The following PLEKHA2 variants were observed in gnomAD, a reference collection of about 807,000 sequenced individuals.
The protein encoded by PLEKHA2 is pleckstrin homology domain-containing family A member 2.
PLEKHA2 carries 28 observed loss-of-function variants against 53.2 expected under a neutral mutation model. The observed-to-expected ratio is 0.53, with a 90% CI of 0.39 to 0.72. The LOEUF is 0.72. PLEKHA2 is among the 30% of genes least tolerant of loss of function. The pLI is 0.00. For synonymous variants in PLEKHA2, 193 were observed against 196.4 expected, an observed-to-expected ratio of 0.98 and a Z score of 0.14; for missense variants, 426 against 537.9, an observed-to-expected ratio of 0.79 and a Z score of 2.06.
intron 3 of PLEKHA2, among the ~76,000 whole-genome samples, chr8:38,937,608 G>A (rs565733375): frequency 2.6e-4 from 39 of 152,090 alleles, no homozygotes; most frequent in Non-Finnish European, 4.4e-4. Context: ...TGGAGGCTGC[G>A]TCATTTAGAA....
Position 38,907,944 on chromosome 8 carries a change from C to A in PLEKHA2, c.-24+6499C>A, listed in dbSNP as rs544390705. On this transcript the variant is annotated intron_variant, in intron 1 of 11. Coordinates refer to ENST00000617275, the MANE Select transcript of PLEKHA2 (RefSeq NM_021623.2). ...ACATTGGCTCAACTGCAACCTCCAC[C>A]TCCTGGGCTCAAGAGATTCTCCTGC... Among the ~76,000 whole-genome samples, 126 of 152,038 alleles carry A rather than the reference C, an allele frequency of 8.3e-4. 1 individual carries two copies. Among genetic ancestry groups the A allele is most frequent in the African/African-American group, 2.9e-3 (120 of 41,464 alleles).
intron 1 of PLEKHA2, among the ~76,000 whole-genome samples, chr8:38,912,844 C>T (rs1030559000): frequency 9.2e-5 from 14 of 152,120 alleles, no homozygotes; most frequent in Admixed American, 9.2e-4. Context: ...CCAGTCCTTC[C>T]CCCCACCTCC....
chr8:38,906,497 C>T (rs987209971), intron 1 of PLEKHA2, among the ~76,000 whole-genome samples: 1 of 152,142 alleles, frequency 6.6e-6, no homozygotes, highest in Non-Finnish European at 1.5e-5. Flanking sequence ...ATTGGGCTAT[C>T]TCAGGGTCAA....
At chr8:38,916,413 C>CCCCACTACCCTTCCCAGCCT (rs1834064144) in intron 1 of PLEKHA2, among the ~76,000 whole-genome samples, 1 of 152,172 alleles carries the variant, frequency 6.6e-6, no homozygotes, top group Non-Finnish European at 1.5e-5. Flanking sequence ...CCCCCCAGCC[C>CCCCACTACCCTTCCCAGCCT]CCCACTACCC....
chr8:38,962,537 GC>G, intron 10 of PLEKHA2, among the ~76,000 whole-genome samples: 1 of 152,260 alleles, frequency 6.6e-6, no homozygotes, highest in South Asian at 2.1e-4. Context: ...AGGTAGAAAG[GC>G]CAGTGATTTC....
At chr8:38,918,217 GACAC>G (rs957954661) in intron 2 of PLEKHA2, 147 bp downstream of exon 2, 8 of 1,068,096 alleles carry the variant, frequency 7.5e-6, no homozygotes, top group East Asian at 2.6e-5. Context: ...AACACACACA[GACAC>G]ACACACAAAT....
At chr8:38,917,807 T>C (rs1834087252) in intron 1 of PLEKHA2, 100 bp from the exon 2 acceptor site, 2 of 1,357,592 alleles carry the variant, frequency 1.5e-6, no homozygotes, top group South Asian at 2.9e-5. Flanking sequence ...GGAAGGAAGC[T>C]GGTGAGAGTC....
intron 1 of PLEKHA2, among the ~76,000 whole-genome samples, chr8:38,906,408 C>T (rs532941886): frequency 1.1e-4 from 16 of 152,312 alleles, no homozygotes; most frequent in African/African-American, 3.6e-4. Context: ...CTGCCTTACA[C>T]CCCTCCCCCC....
intron 1 of PLEKHA2, among the ~76,000 whole-genome samples, chr8:38,915,957 G>A (rs184616155): frequency 2.4e-4 from 37 of 152,206 alleles, no homozygotes; most frequent in South Asian, 8.3e-4. Context: ...TATCCTTTGC[G>A]TTACAGACTG....
intron 10 of PLEKHA2, 56 bp downstream of exon 10, chr8:38,957,442 C>A: frequency 1.4e-6 from 2 of 1,429,554 alleles, no homozygotes; most frequent in Non-Finnish European, 2.0e-6. Context: ...ATGGTGCCCT[C>A]ACAGGCCGTG....
chr8:38,951,850 G>T (rs1001214660), intron 6 of PLEKHA2, among the ~76,000 whole-genome samples: 2 of 152,054 alleles, frequency 1.3e-5, no homozygotes, highest in African/African-American at 4.8e-5. Context: ...GGGACTACAC[G>T]CCTGGGTAAT....
rs778993184 is a variant in PLEKHA2, at chr8:38,953,399, A to C, written c.773+32A>C. The C allele has an allele frequency of 3.2e-6, 5 of 1,553,150 alleles. No individual in the cohort carries two copies. The South Asian group carries it at 4.5e-5, about 14-fold the overall frequency. ...GTGTCTGCTTTTTCTCTTCTAATCC[A>C]AACCTCCATTTGTCCTCTTAAATCT... is the stretch of plus-strand genomic sequence containing the variant. On this transcript the variant is annotated intron_variant, in intron 9 of 11. Transcript: ENST00000617275.
intron 2 of PLEKHA2, among the ~76,000 whole-genome samples, chr8:38,918,426 A>AC (rs1834104245): frequency 1.4e-5 from 2 of 142,544 alleles, no homozygotes; most frequent in Non-Finnish European, 3.1e-5. Context: ...CACACACCAC[A>AC]CACACCATAC....
intron 2 of PLEKHA2, among the ~76,000 whole-genome samples, chr8:38,930,179 C>T (rs867645231): frequency 8.0e-4 from 117 of 146,040 alleles, no homozygotes; most frequent in African/African-American, 2.5e-3. Flanking sequence ...TGCATAAAAC[C>T]ACCTATCTTT....
At chr8:38,943,564 T>C (rs1484747010) in intron 3 of PLEKHA2, among the ~76,000 whole-genome samples, 1 of 152,080 alleles carries the variant, frequency 6.6e-6, no homozygotes, top group African/African-American at 2.4e-5. Context: ...TCTCTGACGG[T>C]GGGGATTCTG....
At chr8:38,967,203 T>C (rs1835154083) in intron 10 of PLEKHA2, among the ~76,000 whole-genome samples, 1 of 152,192 alleles carries the variant, frequency 6.6e-6, no homozygotes, top group Non-Finnish European at 1.5e-5. Context: ...GGTGGACACT[T>C]AGGTTGGTTC....
At chr8:38,934,374 C>T (rs79407371) in intron 2 of PLEKHA2, among the ~76,000 whole-genome samples, 1,812 of 152,082 alleles carry the variant, frequency 0.012, 23 homozygotes, top group Non-Finnish European at 0.019. Context: ...TTCCTTTATC[C>T]GAGATTCATC....
intron 9 of PLEKHA2, among the ~76,000 whole-genome samples, chr8:38,955,994 T>A (rs563931756): frequency 5.3e-5 from 8 of 152,218 alleles, no homozygotes; most frequent in African/African-American, 1.4e-4. Flanking sequence ...TATTTTTTTT[T>A]ATAGAGAACA....
intron 1 of PLEKHA2, among the ~76,000 whole-genome samples, chr8:38,914,367 C>T (rs1371776892): frequency 5.3e-5 from 8 of 152,234 alleles, no homozygotes; most frequent in Admixed American, 1.3e-4. Flanking sequence ...CACCACCAGT[C>T]GCCACCCTTA....
Sources: gnomAD v4.1 joint callset for allele counts (sites outside exome capture counted in the v4.1 genomes callset) on GRCh38, gnomAD v4.1.1 for gene constraint, MANE v1.5 for transcripts, NCBI Gene and HGNC (gene_info 2026-07-23, HGNC 2026-07-21) for gene names.